VRK2: variants seen among roughly 807,000 people sequenced by gnomAD.
VRK2 encodes the protein VRK serine/threonine kinase 2.
In VRK2, 60 loss-of-function variants were observed where a neutral mutation model predicts 57.6. The observed-to-expected ratio is 1.04, with a 90% CI of 0.85 to 1.29. The LOEUF is 1.29. Among genes scored for constraint, VRK2 ranks in the 50% most tolerant of loss-of-function variants. The pLI, the probability that VRK2 is intolerant of heterozygous loss-of-function variation, is 0.00. For missense variants in VRK2, 705 were observed against 588.1 expected, an observed-to-expected ratio of 1.20 and a Z score of -2.06; for synonymous variants, 231 against 199.2, an observed-to-expected ratio of 1.16 and a Z score of -1.35.
intron 10 of VRK2, among the ~76,000 whole-genome samples, chr2:58,136,845 T>C (rs901834469): frequency 2.3e-5 from 3 of 129,162 alleles, no homozygotes; most frequent in African/African-American, 1.1e-4. Context: ...TCATATATAT[T>C]ATATCATATA....
chr2:57,950,303 AG>A (rs1671386320), intron 1 of VRK2, among the ~76,000 whole-genome samples: 1 of 152,254 alleles, frequency 6.6e-6, no homozygotes, highest in Admixed American at 6.5e-5. Flanking sequence ...TCAAAGTACA[AG>A]ATGACTCTTG....
chr2:57,992,963 G>C (rs1387632715), intron 1 of VRK2, among the ~76,000 whole-genome samples: 1 of 152,112 alleles, frequency 6.6e-6, no homozygotes, highest in Admixed American at 6.5e-5. Context: ...CAATTCTCTT[G>C]GGTAAAGTTT....
intron 2 of VRK2, among the ~76,000 whole-genome samples, chr2:58,067,998 T>C (rs1213016052): frequency 6.6e-6 from 1 of 151,974 alleles, no homozygotes; most frequent in Non-Finnish European, 1.5e-5. Context: ...GGCACAATCT[T>C]GGCTCACTGC....
chr2:57,991,787 A>G (rs765851132), intron 1 of VRK2, among the ~76,000 whole-genome samples: 28 of 142,122 alleles, frequency 2.0e-4, no homozygotes, highest in Non-Finnish European at 3.0e-4. Context: ...CTCTACTAAA[A>G]ATACAAAAAA....
At chr2:58,011,156 A>T (rs1673406713) in intron 1 of VRK2, among the ~76,000 whole-genome samples, 1 of 152,218 alleles carries the variant, frequency 6.6e-6, no homozygotes, top group Non-Finnish European at 1.5e-5. Flanking sequence ...TGGTAATGTC[A>T]GAGAAGACAA....
intron 1 of VRK2, among the ~76,000 whole-genome samples, chr2:57,998,624 AT>A (rs1672996286): frequency 1.3e-5 from 2 of 152,186 alleles, no homozygotes; most frequent in South Asian, 4.1e-4. Context: ...TGAGAATTTT[AT>A]TTTACTTTAA....
intron 7 of VRK2, among the ~76,000 whole-genome samples, chr2:58,100,495 T>C (rs1251962261): frequency 1.3e-5 from 2 of 151,882 alleles, no homozygotes; most frequent in Admixed American, 6.6e-5. Flanking sequence ...CATTATAGTA[T>C]AGATTAACAT....
chr2:57,962,401 C>T (rs943817066), intron 1 of VRK2, among the ~76,000 whole-genome samples: 1 of 152,148 alleles, frequency 6.6e-6, no homozygotes, highest in Non-Finnish European at 1.5e-5. Flanking sequence ...TCCTCCCAAC[C>T]TCTATTTCTT....
At chr2:58,000,304 G>T (rs1425559427) in intron 1 of VRK2, among the ~76,000 whole-genome samples, 1 of 151,940 alleles carries the variant, frequency 6.6e-6, no homozygotes, top group East Asian at 1.9e-4. Flanking sequence ...AAGGTAACTG[G>T]GTTTTTTAAA....
intron 10 of VRK2, among the ~76,000 whole-genome samples, chr2:58,138,445 C>T (rs1680856901): frequency 6.6e-6 from 1 of 152,128 alleles, no homozygotes; most frequent in Admixed American, 6.6e-5. Flanking sequence ...AAGCCCAGAA[C>T]CAAGAGTTTA....
intron 8 of VRK2, among the ~76,000 whole-genome samples, chr2:58,128,891 C>T (rs1001899055): frequency 6.6e-6 from 1 of 152,082 alleles, no homozygotes; most frequent in Non-Finnish European, 1.5e-5. Flanking sequence ...TTTAATTATG[C>T]GTTCTACTAT....
rs182336239 is a variant in VRK2, at chr2:57,956,134, G to A, written c.-439+48295G>A. The stretch of plus-strand genomic sequence containing the variant: ...CAGGCCAGGTGAGGTGGCTAATGCC[G>A]CTTTGGGAGGCAAAGGACGGAGGAT... On this transcript the variant is annotated intron_variant, in intron 1 of 15. Transcript: ENST00000417641. 3.4e-4 allele frequency among the ~76,000 whole-genome samples: 51 copies of A among 152,234 alleles called. No homozygotes were observed. The East Asian group carries it at 8.7e-3, about 26-fold the overall frequency.
At chr2:57,923,402 T>A (rs28765149) in intron 1 of VRK2, among the ~76,000 whole-genome samples, 47,365 of 151,808 alleles carry the variant, frequency 0.31, 9,016 homozygotes, top group African/African-American at 0.55. Context: ...TTATTTCCTG[T>A]TTTTTAGATA....
intron 2 of VRK2, among the ~76,000 whole-genome samples, chr2:58,068,418 A>G (rs1040299402): frequency 6.6e-6 from 1 of 152,028 alleles, no homozygotes; most frequent in African/African-American, 2.4e-5. Flanking sequence ...GTTCCCCTAT[A>G]CATAATGCAT....
chr2:58,043,479 T>C (rs992272584), upstream of VRK2, among the ~76,000 whole-genome samples: 2 of 152,226 alleles, frequency 1.3e-5, no homozygotes, highest in South Asian at 2.1e-4. Context: ...CGATTTCGAA[T>C]AAATTATTAT....
intron 8 of VRK2, among the ~76,000 whole-genome samples, chr2:58,131,007 AG>A (rs1247649147): frequency 1.3e-5 from 2 of 151,998 alleles, no homozygotes; most frequent in Non-Finnish European, 2.9e-5. Flanking sequence ...AGCATTTAAT[AG>A]GTTGATATAA....
At chr2:57,983,010 C>A (rs760124827) in intron 1 of VRK2, among the ~76,000 whole-genome samples, 2 of 152,198 alleles carry the variant, frequency 1.3e-5, no homozygotes, top group Non-Finnish European at 2.9e-5. Flanking sequence ...ACTTCATTCA[C>A]CCCTTCCCTA....
intron 2 of VRK2, among the ~76,000 whole-genome samples, chr2:58,065,840 T>C (rs549477780): frequency 1.3e-5 from 2 of 152,276 alleles, no homozygotes; most frequent in Non-Finnish European, 2.9e-5. Flanking sequence ...GGGTATATAT[T>C]GATATATACA....
At chr2:58,154,821 A>T in intron 12 of VRK2, 1 of 716,002 alleles carries the variant, frequency 1.4e-6, no homozygotes, top group Admixed American at 2.0e-5. Flanking sequence ...TCCATGCTAT[A>T]AGTGTCCTGC....
Sources: gnomAD v4.1 joint callset for allele counts (sites outside exome capture counted in the v4.1 genomes callset) on GRCh38, gnomAD v4.1.1 for gene constraint, MANE v1.5 for transcripts, NCBI Gene and HGNC (gene_info 2026-07-23, HGNC 2026-07-21) for gene names.